Variants in MIAT observed in about 807,000 individuals in gnomAD.
MIAT encodes MI related novel mRNA.
rs530757831 is a variant in MIAT, at chr22:26,664,152, C to T, written n.729+754C>T. On this transcript the variant is annotated intron_variant and non_coding_transcript_variant, in intron 3 of 5. Transcript: ENST00000643270. ...TCAGTCTCCCGAGTAGCTGGGATTA[C>T]AGGTGTGCACCACCACACCCGGCTG... Among the ~76,000 whole-genome samples, 505 of 152,004 alleles carry T rather than the reference C, an allele frequency of 3.3e-3. 5 individuals carry two copies. Among genetic ancestry groups the T allele is most frequent in the African/African-American group, 0.012 (488 of 41,420 alleles).
At chr22:26,671,722 A>T, downstream of MIAT, 1 of 398,490 alleles carries the variant, frequency 2.5e-6, no homozygotes, top group Non-Finnish European at 4.4e-6. Flanking sequence ...AAGTCACCTC[A>T]CTTCTCTCAA....
chr22:26,652,804 G>T (rs1208942983), intron 2 of MIAT, among the ~76,000 whole-genome samples: 1 of 152,152 alleles, frequency 6.6e-6, no homozygotes, highest in Non-Finnish European at 1.5e-5. Context: ...TTGATATGTT[G>T]TCAGTGTCAG....
intron 2 of MIAT, among the ~76,000 whole-genome samples, chr22:26,662,183 C>T (rs1357912396): frequency 6.6e-6 from 1 of 151,938 alleles, no homozygotes; most frequent in East Asian, 1.9e-4. Context: ...TCGTGAACTC[C>T]TGGCCTCAAG....
exon 5 of MIAT, chr22:26,675,983 C>T (rs758323578): frequency 8.3e-5 from 33 of 398,514 alleles, no homozygotes; most frequent in Non-Finnish European, 1.4e-4. Context: ...GGAGGCTGAG[C>T]CCAAGCAGGC....
chr22:26,655,823 A>C (rs572015324), intron 2 of MIAT, among the ~76,000 whole-genome samples: 2 of 152,098 alleles, frequency 1.3e-5, no homozygotes, highest in Non-Finnish European at 2.9e-5. Flanking sequence ...CTGGGACTAC[A>C]GGCACACACC....
rs1174185104 is a variant in MIAT, at chr22:26,661,923, T to G, written n.647-1393T>G. 3.3e-4 allele frequency among the ~76,000 whole-genome samples: 6 copies of G among 18,032 alleles called. 2 individuals are homozygous for G. The highest frequency in any genetic ancestry group is 5.3e-4 in the Non-Finnish European group (6 of 11,310). The allele number at this position is 18,032 out of a possible 152,430, so 11.8% of individuals were successfully genotyped here. On this transcript the variant is annotated intron_variant and non_coding_transcript_variant, in intron 2 of 5. Transcript: ENST00000643270. ...ATATGGATCTATATAGATCCATATA[T>G]ATATATATATATATATATATATATA...
At chr22:26,661,281 G>T (rs1569220170) in intron 2 of MIAT, among the ~76,000 whole-genome samples, 1 of 152,302 alleles carries the variant, frequency 6.6e-6, no homozygotes, top group East Asian at 1.9e-4. Context: ...ACAATAGCCA[G>T]AGATTCTCAA....
chr22:26,646,874 T>C (rs1009314492), exon 1 of MIAT: 4 of 398,370 alleles, frequency 1.0e-5, no homozygotes, highest in African/African-American at 8.2e-5. Context: ...GCCACAGGAA[T>C]AGAGACAGGT....
At chr22:26,668,406 T>G (rs915526667) in exon 6 of MIAT, 9 of 398,644 alleles carry the variant, frequency 2.3e-5, no homozygotes, top group Non-Finnish European at 4.0e-5. Context: ...TCCAGGGGTA[T>G]GAGGGAGGCC....
At chr22:26,664,874 A>C (rs1312621248) in intron 3 of MIAT, among the ~76,000 whole-genome samples, 1 of 152,234 alleles carries the variant, frequency 6.6e-6, no homozygotes, top group Non-Finnish European at 1.5e-5. Context: ...CTTAAAGTTT[A>C]AATCATTGAG....
At chr22:26,647,284 C>T in exon 2 of MIAT, 1 of 393,798 alleles carries the variant, frequency 2.5e-6, no homozygotes. Context: ...TTCACCGTGC[C>T]CTGGAGATGC....
intron 3 of MIAT, among the ~76,000 whole-genome samples, chr22:26,664,086 A>G (rs921768836): frequency 6.9e-6 from 1 of 145,080 alleles, no homozygotes; most frequent in Non-Finnish European, 1.5e-5. Flanking sequence ...ATCTCGGCTC[A>G]CTGCAACCTC....
chr22:26,663,378 G>A (rs1430703757), exon 3 of MIAT: 2 of 398,498 alleles, frequency 5.0e-6, no homozygotes, highest in Non-Finnish European at 4.4e-6. Context: ...TGACCCCGTC[G>A]GCATCACAGG....
chr22:26,665,120 A>C (rs1157406020), intron 3 of MIAT, among the ~76,000 whole-genome samples: 1 of 152,102 alleles, frequency 6.6e-6, no homozygotes, highest in East Asian at 1.9e-4. Flanking sequence ...ACACATCTGT[A>C]ATCTCAGCTA....
chr22:26,675,700 G>A (rs959974211), exon 5 of MIAT: 1 of 398,552 alleles, frequency 2.5e-6, no homozygotes, highest in Non-Finnish European at 4.4e-6. Flanking sequence ...GAAGTCCCTG[G>A]AGAAGATCAG....
intron 2 of MIAT, among the ~76,000 whole-genome samples, chr22:26,661,864 C>T (rs1205794243): frequency 6.8e-6 from 1 of 146,704 alleles, no homozygotes; most frequent in Non-Finnish European, 1.5e-5. Flanking sequence ...TTACATATAC[C>T]TTCCTTGGAT....
chr22:26,673,284 C>T, downstream of MIAT: 2 of 398,816 alleles, frequency 5.0e-6, no homozygotes, highest in Non-Finnish European at 8.8e-6. Context: ...GCCGGGGCCA[C>T]ACCTGGGGGT....
intron 2 of MIAT, among the ~76,000 whole-genome samples, chr22:26,653,120 G>A (rs1456200355): frequency 2.6e-5 from 4 of 152,208 alleles, no homozygotes; most frequent in African/African-American, 9.7e-5. Context: ...GAAGATGCTA[G>A]GGAAGACTTT....
Position 26,663,805 on chromosome 22 carries a change from C to T in MIAT, n.729+407C>T, listed in dbSNP as rs562182397. 2.0e-5 allele frequency among the ~76,000 whole-genome samples: 3 copies of T among 152,232 alleles called. No individual in the cohort carries two copies. In the East Asian group the frequency reaches 5.8e-4, roughly 29 times the overall value. On this transcript the variant is annotated intron_variant and non_coding_transcript_variant, in intron 3 of 5. Transcript: ENST00000643270. ...CAATGTGTTTTGACAAAGGTATACA[C>T]CTGTGTAACCATTGCCACAATCAGG... is the stretch of plus-strand genomic sequence containing the variant.
Sources: gnomAD v4.1 joint callset for allele counts (sites outside exome capture counted in the v4.1 genomes callset) on GRCh38, gnomAD v4.1.1 for gene constraint, MANE v1.5 for transcripts, NCBI Gene and HGNC (gene_info 2026-07-23, HGNC 2026-07-21) for gene names.